The following VPS8 variants were observed in gnomAD, a reference collection of about 807,000 sequenced individuals.
VPS8 encodes vacuolar protein sorting-associated protein 8 homolog.
A neutral mutation model predicts 216.4 loss-of-function variants in VPS8; 129 were observed. That is an observed-to-expected ratio of 0.60 (90% CI 0.52 to 0.69). The LOEUF is 0.69. Ranked by LOEUF, VPS8 falls within the 30% of genes least tolerant of loss-of-function variation. The pLI is 0.00. For synonymous variants in VPS8, 571 were observed against 565.4 expected (o/e 1.01, Z -0.14); for missense variants, 1,531 against 1,683.5 (o/e 0.91, Z 1.59).
chr3:184,852,837 TC>T (rs1724572516), intron 11 of VPS8, among the ~76,000 whole-genome samples: 1 of 152,156 alleles, frequency 6.6e-6, no homozygotes, highest in Admixed American at 6.5e-5. Context: ...GGACCACTCT[TC>T]TGGAATAGCT....
intron 20 of VPS8, 59 bp from the exon 21 acceptor site, chr3:184,870,657 C>T: frequency 1.6e-6 from 2 of 1,288,488 alleles, no homozygotes; most frequent in Admixed American, 4.3e-5. Context: ...GAGCCACATA[C>T]ATATTGAAAA....
chr3:184,812,611 T>C lies in VPS8; in HGVS notation c.-89+386T>C, dbSNP rs554391426. On this transcript the variant is annotated intron_variant, in intron 1 of 47. Coordinates refer to ENST00000625842, the MANE Select transcript of VPS8 (RefSeq NM_001009921.3). ...GGTGATGTATTTGTGTATCTCTCCC[T>C]TTCTGCAAAGGGCCAGTAACCCCTC... is the stretch of plus-strand genomic sequence containing the variant. 7 of 152,388 alleles carry C rather than the reference T, an allele frequency of 4.6e-5. No individual in the cohort carries two copies. In the South Asian group the frequency reaches 1.4e-3, roughly 32 times the overall value. The allele number at this position is 152,388 out of a possible 1,614,324, so 9.4% of individuals were successfully genotyped here.
chr3:185,028,514 A>G (rs1316108121), intron 46 of VPS8, among the ~76,000 whole-genome samples: 1 of 152,230 alleles, frequency 6.6e-6, no homozygotes, highest in African/African-American at 2.4e-5. Flanking sequence ...TATCTTGAGG[A>G]TAAGGTTTCC....
At chr3:184,812,766 C>T (rs1162209983) in intron 1 of VPS8, 1 of 152,414 alleles carries the variant, frequency 6.6e-6, no homozygotes, top group African/African-American at 2.4e-5. Flanking sequence ...GTGTCATGCC[C>T]CTCCCCACTC....
chr3:185,016,018 G>T (rs1480316067), intron 45 of VPS8, among the ~76,000 whole-genome samples: 1 of 152,144 alleles, frequency 6.6e-6, no homozygotes, highest in African/African-American at 2.4e-5. Context: ...CTTGCTTTTT[G>T]ATTAGCTGCA....
intron 29 of VPS8, among the ~76,000 whole-genome samples, chr3:184,922,807 A>C (rs1223352544): frequency 2.6e-5 from 4 of 152,016 alleles, no homozygotes; most frequent in Non-Finnish European, 5.9e-5. Context: ...GGAAACATCT[A>C]TTAATTTGTG....
At position 184,849,241 on chromosome 3, in the gene VPS8, G is replaced by GA. The variant is rs773850064; in HGVS notation, c.666+47dup. On this transcript the variant is annotated intron_variant, in intron 9 of 47. Coordinates refer to ENST00000625842, the MANE Select transcript of VPS8 (RefSeq NM_001009921.3). ...AATTCATAAGACAATGTTAAAACAA[G>GA]ATGAATTTACAAAAACTTACATCTT... The GA allele has an allele frequency of 1.6e-5, 25 of 1,584,584 alleles. No homozygotes were observed. In the African/African-American group the frequency reaches 3.1e-4, roughly 20 times the overall value.
chr3:184,961,492 TTTG>T (rs1451377806), intron 37 of VPS8, among the ~76,000 whole-genome samples: 2 of 152,200 alleles, frequency 1.3e-5, no homozygotes, highest in Non-Finnish European at 2.9e-5. Flanking sequence ...GCCTTAGTTC[TTTG>T]TTATCTTATT....
At chr3:184,938,950 A>G (rs1395038531) in intron 35 of VPS8, among the ~76,000 whole-genome samples, 2 of 151,198 alleles carry the variant, frequency 1.3e-5, no homozygotes, top group African/African-American at 2.4e-5. Context: ...TGATCACCTG[A>G]ACCCAGGAGG....
At chr3:185,046,709 C>T (rs1712998423) in intron 46 of VPS8, among the ~76,000 whole-genome samples, 1 of 152,126 alleles carries the variant, frequency 6.6e-6, no homozygotes. Context: ...GTCTAATTTT[C>T]ATAACAATTC....
At chr3:185,011,586 A>G (rs1183155664) in intron 45 of VPS8, among the ~76,000 whole-genome samples, 2 of 152,240 alleles carry the variant, frequency 1.3e-5, no homozygotes, top group Non-Finnish European at 2.9e-5. Flanking sequence ...CTAAGCAGAG[A>G]TTTCAGCAGC....
chr3:185,020,147 C>G lies in VPS8; in HGVS notation c.4003-4189C>G, dbSNP rs564749262. ...AATATTATATATGAGGATACAACATCTTAAAAAATAATTTTTAAAAATTGA... is the reference window on the plus strand; with the variant it reads ...AATATTATATATGAGGATACAACATGTTAAAAAATAATTTTTAAAAATTGA... On this transcript the variant is annotated intron_variant, in intron 45 of 47. Transcript: ENST00000625842. Among the ~76,000 whole-genome samples the G allele has an allele frequency of 1.2e-4, 18 of 152,102 alleles. No homozygotes were observed. In the South Asian group the frequency reaches 3.5e-3, roughly 30 times the overall value.
At chr3:184,913,630 C>A in intron 26 of VPS8, 69 bp downstream of exon 26, 4 of 1,245,188 alleles carry the variant, frequency 3.2e-6, no homozygotes, top group Non-Finnish European at 4.5e-6. Flanking sequence ...TTTAGAGATA[C>A]TATGATCTCT....
chr3:184,927,501 G>A (rs1739872799), intron 31 of VPS8, among the ~76,000 whole-genome samples: 1 of 151,982 alleles, frequency 6.6e-6, no homozygotes, highest in African/African-American at 2.4e-5. Context: ...ATAGTATATG[G>A]GCCCCCTCAT....
intron 46 of VPS8, among the ~76,000 whole-genome samples, chr3:185,026,631 GAACTCCTGACCTC>G (rs2110087042): frequency 6.7e-6 from 1 of 150,270 alleles, no homozygotes; most frequent in Non-Finnish European, 1.5e-5. Flanking sequence ...AGCTGGTCTC[GAACTCCTGACCTC>G]ATGATCCATC....
chr3:184,969,106 T>C (rs968042821), intron 39 of VPS8, among the ~76,000 whole-genome samples: 7 of 152,142 alleles, frequency 4.6e-5, no homozygotes, highest in African/African-American at 1.7e-4. Flanking sequence ...ATTTTAGTGT[T>C]ATAAGAATAA....
intron 42 of VPS8, among the ~76,000 whole-genome samples, chr3:184,985,761 A>G (rs2109786992): frequency 6.6e-6 from 1 of 152,350 alleles, no homozygotes; most frequent in Non-Finnish European, 1.5e-5. Context: ...TCTGGATTAC[A>G]TCAGGTACAA....
Position 184,962,042 on chromosome 3 carries a change from G to A in VPS8, c.3184-2426G>A, listed in dbSNP as rs535178751. Among the ~76,000 whole-genome samples the A allele has an allele frequency of 1.2e-3, 178 of 152,346 alleles. 2 individuals carry two copies. The highest frequency in any genetic ancestry group is 4.1e-3 in the African/African-American group (170 of 41,586). Reference sequence around the variant, plus strand: ...CTCCCAAAGTTCTGGGATTACTGGCGTGAGCCAGTGCACCCGGCCACTTTT... The same window carrying A: ...CTCCCAAAGTTCTGGGATTACTGGCATGAGCCAGTGCACCCGGCCACTTTT... On this transcript the variant is annotated intron_variant, in intron 37 of 47. Coordinates refer to ENST00000625842, the MANE Select transcript of VPS8 (RefSeq NM_001009921.3).
At chr3:185,020,178 A>G (rs1035094989) in intron 45 of VPS8, among the ~76,000 whole-genome samples, 8 of 152,246 alleles carry the variant, frequency 5.3e-5, no homozygotes, top group African/African-American at 1.7e-4. Flanking sequence ...ATTGAAAATA[A>G]CCTAAATGTC....
Sources: allele counts gnomAD v4.1 joint callset (sites outside exome capture counted in the v4.1 genomes callset), GRCh38; gene constraint gnomAD v4.1.1; transcripts MANE v1.5; gene names NCBI Gene and HGNC (gene_info 2026-07-23, HGNC 2026-07-21).